Variants in ABCB5 observed in about 807,000 individuals in gnomAD.
The protein encoded by ABCB5 is ATP binding cassette subfamily B member 5.
ABCB5 carries 155 observed loss-of-function variants against 144.2 expected under a neutral mutation model. That is an observed-to-expected ratio of 1.08 (90% confidence interval 0.94 to 1.23). ABCB5 has a LOEUF of 1.23. ABCB5 is among the 50% of genes most tolerant of loss of function. The pLI, the probability that ABCB5 is intolerant of heterozygous loss-of-function variation, is 0.00. For synonymous variants in ABCB5, 610 were observed against 528.6 expected (o/e 1.15, Z -2.11); for missense variants, 1,830 against 1,520.8 (o/e 1.20, Z -3.38).
At chr7:20,696,758 C>T (rs1246880088) in intron 16 of ABCB5, among the ~76,000 whole-genome samples, 2 of 152,008 alleles carry the variant, frequency 1.3e-5, no homozygotes, top group African/African-American at 2.4e-5. Context: ...TTAAGTAACA[C>T]AGCCTATTTT....
rs769122641 is a variant in ABCB5, at chr7:20,646,114, ATATACCATCGGGAC to A, written c.959_972del (p.Tyr320CysfsTer7). ...CCTTGATTCTTAATGGAGAACCTGG[ATATACCATCGGGAC>A]TGTTCTTGCTGTAAGTCTTGTTTGA... On this transcript the variant is annotated frameshift_variant, in exon 9 of 28. Transcript: ENST00000404938. LOFTEE classifies it high-confidence loss of function. 2.5e-6 allele frequency: 4 copies of A among 1,613,514 alleles called. No homozygotes were observed. The highest frequency in any genetic ancestry group is 3.4e-6 in the Non-Finnish European group (4 of 1,179,728).
intron 19 of ABCB5, among the ~76,000 whole-genome samples, chr7:20,700,628 C>A (rs1374334148): frequency 6.6e-6 from 1 of 152,176 alleles, no homozygotes; most frequent in Non-Finnish European, 1.5e-5. Context: ...GTCTAGCTGC[C>A]AGGTCTGCCT....
In ABCB5 at chr7:20,713,359, T is replaced by A. The variant is rs1207961603; in HGVS notation, c.2421+8552T>A. On this transcript the variant is annotated intron_variant, in intron 20 of 27. Transcript: ENST00000404938. ...TCAAGCAATCCTCCTGCCTCAGCTT[T>A]CCATGCAGCTGAAATGAGAGGTACA... Among the ~76,000 whole-genome samples the A allele has an allele frequency of 1.3e-5, 2 of 149,040 alleles. 1 individual carries two copies. Among genetic ancestry groups the A allele is most frequent in the East Asian group, 4.0e-4 (2 of 5,026 alleles).
intron 16 of ABCB5, among the ~76,000 whole-genome samples, chr7:20,695,566 T>G (rs1786384364): frequency 2.0e-5 from 3 of 151,854 alleles, no homozygotes; most frequent in Non-Finnish European, 2.9e-5. Context: ...AATTGATAAG[T>G]CAGACATTAC....
intron 23 of ABCB5, among the ~76,000 whole-genome samples, chr7:20,738,048 G>A (rs979755350): frequency 6.6e-6 from 1 of 152,186 alleles, no homozygotes; most frequent in African/African-American, 2.4e-5. Flanking sequence ...AGGCCCCATT[G>A]AGGGAGAAAT....
intron 5 of ABCB5, among the ~76,000 whole-genome samples, chr7:20,640,601 A>G (rs1292586139): frequency 6.6e-6 from 1 of 152,218 alleles, no homozygotes; most frequent in Non-Finnish European, 1.5e-5. Flanking sequence ...GGCACTAAAT[A>G]AACCACGAAA....
intron 2 of ABCB5, 117 bp downstream of exon 2, chr7:20,623,455 C>CT: frequency 7.5e-6 from 6 of 804,360 alleles, no homozygotes; most frequent in South Asian, 1.6e-5. Flanking sequence ...ACACTATTTG[C>CT]ATTTTGCTGA....
chr7:20,702,781 C>T lies in ABCB5; in HGVS notation c.2338-1943C>T, dbSNP rs559060837. Among the ~76,000 whole-genome samples, 6 of 150,918 alleles carry T rather than the reference C, an allele frequency of 4.0e-5. No homozygotes were observed. The East Asian group carries it at 7.8e-4, about 20-fold the overall frequency. ...GGTTCACGCCATTCTCATGCCTCAG[C>T]CTCCTGAGTAGCTGGGACTACAGGC... is the stretch of plus-strand genomic sequence containing the variant. On this transcript the variant is annotated intron_variant, in intron 19 of 27. Transcript: ENST00000404938.
Position 20,647,861 on chromosome 7 carries a change from G to C in ABCB5, c.1096-107G>C. On this transcript the variant is annotated intron_variant, in intron 10 of 27. Coordinates refer to ENST00000404938, the MANE Select transcript of ABCB5 (RefSeq NM_001163941.2). ...TCTAACTCAATGCACTTCTAAAGCAGAAAGGAAACTGTCATGGAAGAAAAC... is the reference window on the plus strand; with the variant it reads ...TCTAACTCAATGCACTTCTAAAGCACAAAGGAAACTGTCATGGAAGAAAAC... 4 of 1,086,566 alleles carry C rather than the reference G, an allele frequency of 3.7e-6. No individual in the cohort carries two copies. In the South Asian group the frequency reaches 5.8e-5, roughly 16 times the overall value. The allele number at this position is 1,086,566 out of a possible 1,614,324, so 67.3% of individuals were successfully genotyped here.
chr7:20,639,051 T>C (rs1026192300), intron 5 of ABCB5, among the ~76,000 whole-genome samples: 2 of 151,028 alleles, frequency 1.3e-5, no homozygotes, highest in Non-Finnish European at 1.5e-5. Flanking sequence ...ATTACAGCCA[T>C]TGTAGTAGGT....
At chr7:20,721,473 A>T (rs1052322384) in intron 20 of ABCB5, among the ~76,000 whole-genome samples, 4 of 152,220 alleles carry the variant, frequency 2.6e-5, no homozygotes, top group African/African-American at 9.6e-5. Context: ...CAACTATAAT[A>T]TGAGAATTAT....
chr7:20,705,126 AAC>A (rs1786778140), intron 20 of ABCB5, among the ~76,000 whole-genome samples: 2 of 152,220 alleles, frequency 1.3e-5, no homozygotes, highest in African/African-American at 4.8e-5. Flanking sequence ...ACGAAATGAA[AAC>A]ACACACACTT....
chr7:20,745,240 T>G lies in ABCB5; in HGVS notation c.3231T>G (p.Asp1077Glu). Reference sequence around the variant, plus strand: ...CAATCTGCTTTTGGCAGCTGTTTGATGGTGTGGATGCAAAAGAATTGAATG... The same window carrying G: ...CAATCTGCTTTTGGCAGCTGTTTGAGGGTGTGGATGCAAAAGAATTGAATG... ...YDPVQGQVLFDGVDAKELNVQ... is the reference protein window; with the variant it reads ...YDPVQGQVLFEGVDAKELNVQ... Residue 1077 changes from aspartate (D) to glutamate (E), a missense_variant, in exon 26 of 28, where the codon GAT (aspartate) becomes GAG (glutamate). By Grantham distance (45) the Asp-to-Glu change is conservative. Transcript: ENST00000404938. The G allele has an allele frequency of 5.6e-6, 9 of 1,613,926 alleles. No individual in the cohort carries two copies. Among genetic ancestry groups the G allele is most frequent in the Non-Finnish European group, 7.6e-6 (9 of 1,179,858 alleles).
chr7:20,659,052 CT>C, intron 14 of ABCB5: 1 of 1,613,416 alleles, frequency 6.2e-7, no homozygotes, highest in South Asian at 1.1e-5. Flanking sequence ...TCTCTGACCA[CT>C]TTTCTTCTTT....
chr7:20,687,050 A>ATT (rs1325002525), intron 16 of ABCB5, among the ~76,000 whole-genome samples: 44 of 152,332 alleles, frequency 2.9e-4, no homozygotes, highest in African/African-American at 9.6e-4. Context: ...ATTTAAATAA[A>ATT]TAAGCATGCA....
chr7:20,679,238 T>C (rs367551911), intron 14 of ABCB5, among the ~76,000 whole-genome samples: 18 of 151,876 alleles, frequency 1.2e-4, no homozygotes, highest in African/African-American at 4.3e-4. Flanking sequence ...GATGCTGAGG[T>C]GGGTGGATCA....
intron 20 of ABCB5, among the ~76,000 whole-genome samples, chr7:20,721,567 G>T (rs1781869649): frequency 6.6e-6 from 1 of 152,124 alleles, no homozygotes; most frequent in African/African-American, 2.4e-5. Flanking sequence ...TCCTGTCCAT[G>T]TTGGTTTCCT....
intron 26 of ABCB5, among the ~76,000 whole-genome samples, chr7:20,746,130 G>T (rs547516258): frequency 6.6e-6 from 1 of 150,702 alleles, no homozygotes. Context: ...ACAGAGTTTC[G>T]CTCTTGTTGC....
At chr7:20,675,910 C>A (rs74764996) in intron 14 of ABCB5, among the ~76,000 whole-genome samples, 1 of 151,866 alleles carries the variant, frequency 6.6e-6, no homozygotes, top group Non-Finnish European at 1.5e-5. Flanking sequence ...CCAACAAGTA[C>A]GTGAAAAGAT....
Sources: gnomAD v4.1 joint callset for allele counts (sites outside exome capture counted in the v4.1 genomes callset) on GRCh38, gnomAD v4.1.1 for gene constraint, MANE v1.5 for transcripts, NCBI Gene and HGNC (gene_info 2026-07-23, HGNC 2026-07-21) for gene names.